The following STX1A variants were observed in gnomAD, a reference collection of about 807,000 sequenced individuals.
The protein encoded by STX1A is syntaxin-1A.
A neutral mutation model predicts 37.8 loss-of-function variants in STX1A; 4 were observed. That is an observed-to-expected ratio of 0.11 (90% confidence interval 0.05 to 0.24). The LOEUF (loss-of-function observed/expected upper bound fraction) is 0.24. STX1A is among the 10% of genes least tolerant of loss of function. The pLI is 1.00. For missense variants in STX1A, 251 were observed against 399.9 expected, an observed-to-expected ratio of 0.63 and a Z score of 3.18; for synonymous variants, 135 against 147.4, an observed-to-expected ratio of 0.92 and a Z score of 0.61.
chr7:73,709,213 C>T lies in STX1A; in HGVS notation c.31-91G>A. The stretch of plus-strand genomic sequence containing the variant: ...CCAGGGTACAGCGCCAGGGCCCTGC[C>T]CCTCCCCCTCTCCCTGGGGGCCTCT... On this transcript the variant is annotated intron_variant, in intron 1 of 9. Coordinates refer to ENST00000222812, the MANE Select transcript of STX1A (RefSeq NM_004603.4). This position sits in a 1 kb window ranked among gnomAD's most constrained non-coding sequence, Gnocchi z 4.2. The T allele has an allele frequency of 7.8e-7, 1 of 1,283,848 alleles. No homozygotes were observed. The highest frequency in any genetic ancestry group is 1.1e-6 in the Non-Finnish European group (1 of 900,920). 79.5% of individuals were successfully genotyped at this position (1,283,848 alleles called of 1,614,324 possible).
Position 73,717,173 on chromosome 7 carries a change from GT to G in STX1A, c.30+2428del, listed in dbSNP as rs1350977786. On this transcript the variant is annotated intron_variant, in intron 1 of 9. Coordinates refer to ENST00000222812, the MANE Select transcript of STX1A (RefSeq NM_004603.4). The surrounding 1 kb of genome is among the most constrained non-coding windows in gnomAD (Gnocchi z 4.1). ...TTCGCCTCCTTCCAAATGTGGTGGT[GT>G]TGGGTGGGGGAGAAGGAGAAAGAAG... Among the ~76,000 whole-genome samples the G allele has an allele frequency of 6.7e-6, 1 of 149,148 alleles. No individual in the cohort carries two copies. The highest frequency in any genetic ancestry group is 1.5e-5 in the Non-Finnish European group (1 of 67,186).
In STX1A at chr7:73,700,958, G is replaced by T; in HGVS notation, c.679-118C>A. 6.5e-7 allele frequency: 1 copy of T among 1,534,074 alleles called. No homozygotes were observed. Among genetic ancestry groups the T allele is most frequent in the Non-Finnish European group, 8.7e-7 (1 of 1,144,466 alleles). On this transcript the variant is annotated intron_variant, in intron 8 of 9. Transcript: ENST00000222812. This position sits in a 1 kb window ranked among gnomAD's most constrained non-coding sequence, Gnocchi z 4.4. ...TAGAGACAAAAAGGGGGCGTGAGGA[G>T]GTTAGGGTACAGCTTCTCACCTGGG...
rs138370508 is a variant in STX1A at position 73,706,075 on chromosome 7, A to G, written c.209-851T>C. Among the ~76,000 whole-genome samples, 991 of 152,270 alleles carry G rather than the reference A, an allele frequency of 6.5e-3. 3 individuals carry two copies. Among genetic ancestry groups the G allele is most frequent in the Non-Finnish European group, 8.6e-3 (586 of 68,002 alleles). ...AACACCCCAGTCTCAGGACACCCCC[A>G]GGACTCTGCCCCGAGAGAAGCCGGG... On this transcript the variant is annotated intron_variant, in intron 3 of 9. Transcript: ENST00000222812. The surrounding 1 kb of genome is among the most constrained non-coding windows in gnomAD (Gnocchi z 4.6).
In STX1A at chr7:73,717,699, G is replaced by T. The variant is rs1268029281; in HGVS notation, c.30+1903C>A. ...TTGTGTGGGGAGGGTGGGGGTGTCTGGAGCGGAAGCCTCAGACCATTCAAA... is the reference window on the plus strand; with the variant it reads ...TTGTGTGGGGAGGGTGGGGGTGTCTTGAGCGGAAGCCTCAGACCATTCAAA... On this transcript the variant is annotated intron_variant, in intron 1 of 9. Coordinates refer to ENST00000222812, the MANE Select transcript of STX1A (RefSeq NM_004603.4). The surrounding 1 kb of genome is among the most constrained non-coding windows in gnomAD (Gnocchi z 4.1). Among the ~76,000 whole-genome samples, 1 of 152,182 alleles carries T rather than the reference G, an allele frequency of 6.6e-6. No homozygotes were observed. Among genetic ancestry groups the T allele is most frequent in the African/African-American group, 2.4e-5 (1 of 41,438 alleles).
At chr7:73,712,775 A>T (rs1391606277) in intron 1 of STX1A, among the ~76,000 whole-genome samples, 3 of 152,114 alleles carry the variant, frequency 2.0e-5, no homozygotes, top group Admixed American at 6.6e-5. Flanking sequence ...GGCGGCATCC[A>T]CATCCTCCCT....
rs1554617440 is a variant in STX1A, at chr7:73,708,609, G to A, written c.188C>T (p.Ala63Val). 1 of 1,613,944 alleles carries A rather than the reference G, an allele frequency of 6.2e-7. No individual in the cohort carries two copies. The highest frequency in any genetic ancestry group is 1.7e-5 in the Admixed American group (1 of 60,000). The change falls in exon 3 of 10, where the codon GCA becomes GTA. Residue 63 changes from alanine to valine, a missense_variant. Coordinates refer to ENST00000222812, the MANE Select transcript of STX1A (RefSeq NM_004603.4). The part of the protein sequence containing the change: ...EVKRKHSAIL[A>V]SPNPDEKTKE... The stretch of plus-strand genomic sequence containing the variant: ...CTCACTCTCATCGGGGTTGGGGGAT[G>A]CCAGGATGGCACTGTGCTTCCGCTT...
At position 73,717,861 on chromosome 7, in the gene STX1A, G is replaced by C. The variant is rs1563581858; in HGVS notation, c.30+1741C>G. On this transcript the variant is annotated intron_variant, in intron 1 of 9. Transcript: ENST00000222812. The surrounding 1 kb of genome is among the most constrained non-coding windows in gnomAD (Gnocchi z 4.1). ...GTCCCCCAGTGTCAGCCAGGCCTGA[G>C]TCTGACTATCTTCAGGGATGAGGCA... 6.6e-6 allele frequency among the ~76,000 whole-genome samples: 1 copy of C among 152,166 alleles called. No homozygotes were observed.
At chr7:73,712,255 G>T (rs782068220) in intron 1 of STX1A, among the ~76,000 whole-genome samples, 2 of 151,962 alleles carry the variant, frequency 1.3e-5, no homozygotes, top group Non-Finnish European at 2.9e-5. Context: ...CTACTTCTTC[G>T]TTCTTGGGAA....
intron 7 of STX1A, 95 bp from the exon 8 acceptor site, chr7:73,703,077 C>T (rs1798723854): frequency 2.0e-6 from 2 of 976,482 alleles, no homozygotes; most frequent in South Asian, 3.2e-5. Context: ...CAGAGCTGCT[C>T]CGGAAGGGGG....
At position 73,718,166 on chromosome 7, in the gene STX1A, G is replaced by T. The variant is rs1240935660; in HGVS notation, c.30+1436C>A. On this transcript the variant is annotated intron_variant, in intron 1 of 9. Coordinates refer to ENST00000222812, the MANE Select transcript of STX1A (RefSeq NM_004603.4). ...AAACTTGAGGGCAACCACAGGGGCC[G>T]CGGGGGAAGTGTTTAGAGCCCATAT... Among the ~76,000 whole-genome samples the T allele has an allele frequency of 4.6e-5, 7 of 152,316 alleles. No homozygotes were observed. The South Asian group carries it at 1.2e-3, about 27-fold the overall frequency.
chr7:73,708,880 G>T (rs769235182), intron 2 of STX1A, among the ~76,000 whole-genome samples, 165 bp downstream of exon 2: 1 of 152,120 alleles, frequency 6.6e-6, no homozygotes, highest in African/African-American at 2.4e-5. Flanking sequence ...ATTTAGCTCC[G>T]CTCTGAGCTT....
intron 3 of STX1A, among the ~76,000 whole-genome samples, chr7:73,708,321 G>A (rs1241575866): frequency 1.3e-5 from 2 of 151,940 alleles, no homozygotes; most frequent in Middle Eastern, 3.5e-3. Flanking sequence ...TGGGAAGGGC[G>A]GGGCCGATCG....
intron 4 of STX1A, chr7:73,704,877 C>T: frequency 1.8e-6 from 1 of 563,736 alleles, no homozygotes; most frequent in Non-Finnish European, 3.2e-6. Context: ...GCCACTTCTT[C>T]AACCCTCTTT....
intron 8 of STX1A, among the ~76,000 whole-genome samples, chr7:73,701,678 G>A (rs183666385): frequency 1.3e-5 from 2 of 152,204 alleles, no homozygotes; most frequent in East Asian, 3.9e-4. Context: ...CAAGTCCATC[G>A]GTTGCCTTCA....
intron 1 of STX1A, among the ~76,000 whole-genome samples, chr7:73,714,633 C>G (rs1286386589): frequency 1.3e-5 from 2 of 151,992 alleles, no homozygotes; most frequent in Non-Finnish European, 2.9e-5. Flanking sequence ...CTCCTGAGCT[C>G]AAGCAGTCTT....
Position 73,709,206 on chromosome 7 carries a change from G to T in STX1A, c.31-84C>A. ...CAGGTGCCCAGGGTACAGCGCCAGGGCCCTGCCCCTCCCCCTCTCCCTGGG... is the reference window on the plus strand; with the variant it reads ...CAGGTGCCCAGGGTACAGCGCCAGGTCCCTGCCCCTCCCCCTCTCCCTGGG... On this transcript the variant is annotated intron_variant, in intron 1 of 9. Transcript: ENST00000222812. This position sits in a 1 kb window ranked among gnomAD's most constrained non-coding sequence, Gnocchi z 4.2. 7.1e-7 allele frequency: 1 copy of T among 1,403,838 alleles called. No homozygotes were observed. The highest frequency in any genetic ancestry group is 9.9e-7 in the Non-Finnish European group (1 of 1,006,532). The allele number at this position is 1,403,838 out of a possible 1,614,324, so 87.0% of individuals were successfully genotyped here.
Position 73,704,185 on chromosome 7 carries a change from C to A in STX1A, c.429G>T (p.Glu143Asp). Residue 143 changes from glutamate to aspartate, a missense_variant, in exon 6 of 10, where the codon GAG (glutamate) becomes GAT (aspartate). Glu to Asp is a conservative substitution (Grantham distance 45). Transcript: ENST00000222812. ...EYNATQSDYR[E>D]RCKGRIQRQL... ...GCCTCTGGATGCGGCCTTTGCAGCG[C>A]TCGCGGTAGTCGGACTGCGTGGCGT... is the stretch of plus-strand genomic sequence containing the variant. 6.2e-7 allele frequency: 1 copy of A among 1,613,128 alleles called. No homozygotes were observed. The highest frequency in any genetic ancestry group is 1.1e-5 in the South Asian group (1 of 91,080).
rs1245964194 is a variant in STX1A, at chr7:73,702,723, T to C, written c.678+122A>G. 7.1e-6 allele frequency: 11 copies of C among 1,558,542 alleles called. No homozygotes were observed. The highest frequency in any genetic ancestry group is 1.2e-5 in the South Asian group (1 of 83,382). On this transcript the variant is annotated intron_variant, in intron 8 of 9. Transcript: ENST00000222812. This position sits in a 1 kb window ranked among gnomAD's most constrained non-coding sequence, Gnocchi z 4.7. ...GGCGGCAGTTTCAACAGCGGGTGAT[T>C]GGTTACCTGAGAACTTGGTCCCTCC... is the stretch of plus-strand genomic sequence containing the variant.
intron 1 of STX1A, among the ~76,000 whole-genome samples, chr7:73,719,270 C>A (rs1554619209): frequency 2.0e-5 from 3 of 152,096 alleles, no homozygotes; most frequent in South Asian, 4.1e-4. Context: ...GCCTGCTCTG[C>A]GGGAGGGGGA....
Sources: gnomAD v4.1 joint callset for allele counts (sites outside exome capture counted in the v4.1 genomes callset) on GRCh38, gnomAD v4.1.1 for gene constraint, Gnocchi (gnomAD v3.1) non-coding constraint, MANE v1.5 for transcripts, NCBI Gene and HGNC (gene_info 2026-07-23, HGNC 2026-07-21) for gene names.